AKT3: variants seen among roughly 807,000 people sequenced by gnomAD.
AKT3 encodes AKT serine/threonine kinase 3, also known as RAC-gamma serine/threonine-protein kinase.
Under a neutral mutation model 65.3 loss-of-function variants are expected in AKT3, and 15 were observed. That is an observed-to-expected ratio of 0.23 (90% confidence interval 0.15 to 0.35). The LOEUF is 0.35. Ranked by LOEUF, AKT3 falls within the 10% of genes least tolerant of loss-of-function variation. The pLI, the probability that AKT3 is intolerant of heterozygous loss-of-function variation, is 1.00. For missense variants in AKT3, 243 were observed against 576.5 expected, an observed-to-expected ratio of 0.42 and a Z score of 5.92; for synonymous variants, 206 against 183.8, an observed-to-expected ratio of 1.12 and a Z score of -0.98.
intron 4 of AKT3, among the ~76,000 whole-genome samples, chr1:243,652,182 G>C (rs904801079): frequency 1.3e-5 from 2 of 151,852 alleles, no homozygotes; most frequent in Non-Finnish European, 2.9e-5. Flanking sequence ...CAAGTAGCTA[G>C]GAGTACAGGT....
At chr1:243,595,030 GAAGAAA>G (rs1400245089) in intron 8 of AKT3, among the ~76,000 whole-genome samples, 1 of 152,162 alleles carries the variant, frequency 6.6e-6, no homozygotes, top group Non-Finnish European at 1.5e-5. Context: ...AAAAGTTTTA[GAAGAAA>G]ATACAGTCAT....
intron 1 of AKT3, among the ~76,000 whole-genome samples, chr1:243,848,791 T>C (rs957909817): frequency 1.6e-4 from 25 of 152,232 alleles, no homozygotes; most frequent in Non-Finnish European, 2.5e-4. Flanking sequence ...AATTACCCAA[T>C]ATAGATGCAT....
chr1:243,821,106 T>C (rs1029071770), intron 2 of AKT3, among the ~76,000 whole-genome samples: 3 of 152,028 alleles, frequency 2.0e-5, no homozygotes, highest in Non-Finnish European at 4.4e-5. Context: ...CCCTACAAGC[T>C]AAAAGAGATT....
chr1:243,578,467 A>T (rs1412238028), intron 8 of AKT3, among the ~76,000 whole-genome samples: 1 of 152,118 alleles, frequency 6.6e-6, no homozygotes, highest in Admixed American at 6.5e-5. Flanking sequence ...CTCACTCATA[A>T]GTGGGAGCTG....
At chr1:243,715,322 C>G (rs1279143621) in intron 2 of AKT3, among the ~76,000 whole-genome samples, 2 of 152,022 alleles carry the variant, frequency 1.3e-5, no homozygotes, top group Non-Finnish European at 2.9e-5. Flanking sequence ...TCCCTTTATG[C>G]TACTGGTATT....
At chr1:243,835,593 C>T (rs1694845390) in intron 2 of AKT3, among the ~76,000 whole-genome samples, 1 of 152,114 alleles carries the variant, frequency 6.6e-6, no homozygotes, top group Non-Finnish European at 1.5e-5. Flanking sequence ...CTCTAAATCA[C>T]TTCGGTCCCC....
chr1:243,769,110 G>A (rs1228135495), intron 2 of AKT3, among the ~76,000 whole-genome samples: 1 of 151,990 alleles, frequency 6.6e-6, no homozygotes, highest in Non-Finnish European at 1.5e-5. Flanking sequence ...GTAGCCTTTT[G>A]TGTGTAGTTT....
At chr1:243,691,441 G>A (rs1036406929) in intron 3 of AKT3, among the ~76,000 whole-genome samples, 9 of 152,174 alleles carry the variant, frequency 5.9e-5, no homozygotes, top group Admixed American at 5.2e-4. Context: ...TGATACCCGC[G>A]TGAAGAAAGA....
intron 3 of AKT3, among the ~76,000 whole-genome samples, chr1:243,688,675 G>A (rs1164234189): frequency 6.6e-6 from 1 of 152,086 alleles, no homozygotes; most frequent in Non-Finnish European, 1.5e-5. Context: ...CAGCCTGTTT[G>A]TTTAAGGATG....
At chr1:243,833,381 G>A (rs779029410) in intron 2 of AKT3, among the ~76,000 whole-genome samples, 1 of 152,180 alleles carries the variant, frequency 6.6e-6, no homozygotes, top group Admixed American at 6.5e-5. Flanking sequence ...TAAGGTGAGG[G>A]GGAAGAAGGC....
intron 8 of AKT3, among the ~76,000 whole-genome samples, chr1:243,592,145 C>T (rs1338124106): frequency 2.0e-5 from 3 of 152,010 alleles, no homozygotes; most frequent in South Asian, 2.1e-4. Flanking sequence ...ACCATCCTGG[C>T]TAACATGGTG....
chr1:243,613,624 T>C, intron 8 of AKT3, 47 bp downstream of exon 8: 4 of 1,374,358 alleles, frequency 2.9e-6, no homozygotes, highest in Non-Finnish European at 4.0e-6. Context: ...GTTTTTAAAA[T>C]AATGAAAATA....
At chr1:243,548,748 T>C (rs1371007257) in intron 11 of AKT3, among the ~76,000 whole-genome samples, 1 of 152,194 alleles carries the variant, frequency 6.6e-6, no homozygotes. Context: ...CATGAGGTCA[T>C]GCTTTTCCTA....
chr1:243,546,733 TA>T (rs1672701833), intron 11 of AKT3: 1 of 152,142 alleles, frequency 6.6e-6, no homozygotes, highest in Admixed American at 6.5e-5. Context: ...TTTACTGATA[TA>T]AAGAATGCAA....
intron 5 of AKT3, among the ~76,000 whole-genome samples, chr1:243,640,737 G>A (rs1458998138): frequency 6.6e-6 from 1 of 152,150 alleles, no homozygotes; most frequent in African/African-American, 2.4e-5. Context: ...ATAAGCTGTA[G>A]GCAGCTGATT....
chr1:243,809,683 C>T (rs898218469), intron 2 of AKT3, among the ~76,000 whole-genome samples: 2 of 152,162 alleles, frequency 1.3e-5, no homozygotes, highest in Non-Finnish European at 2.9e-5. Flanking sequence ...CCAAGCAGAC[C>T]TAATAGACAT....
intron 12 of AKT3, among the ~76,000 whole-genome samples, chr1:243,535,437 T>C (rs968251261): frequency 6.6e-6 from 1 of 152,146 alleles, no homozygotes; most frequent in East Asian, 1.9e-4. Context: ...TGCATACCCA[T>C]AGCTTAGCTC....
intron 2 of AKT3, among the ~76,000 whole-genome samples, chr1:243,807,427 C>T (rs576245637): frequency 7.2e-5 from 11 of 152,274 alleles, no homozygotes; most frequent in African/African-American, 2.4e-4. Context: ...CACAGAGCCT[C>T]GCTCGTTGCT....
At position 243,500,396 on chromosome 1, in the gene AKT3, G is replaced by A. The variant is rs374751487; in HGVS notation, c.*4853C>T. 5 of 224,902 alleles carry A rather than the reference G, an allele frequency of 2.2e-5. No homozygotes were observed. Among genetic ancestry groups the A allele is most frequent in the South Asian group, 1.8e-4 (1 of 5,436 alleles). The allele number at this position is 224,902 out of a possible 1,614,324, so 13.9% of individuals were successfully genotyped here. On this transcript the variant is annotated 3_prime_UTR_variant, in exon 14 of 14. Transcript: ENST00000673466. ...ACAGACAAAAAAGCATCTTTGGCTC[G>A]GTGGTGTCAGATTTTTTTCTTCAAT...
Sources: gnomAD v4.1 joint callset for allele counts (sites outside exome capture counted in the v4.1 genomes callset) on GRCh38, gnomAD v4.1.1 for gene constraint, MANE v1.5 for transcripts, NCBI Gene and HGNC (gene_info 2026-07-23, HGNC 2026-07-21) for gene names.